Variants in TRPC1 observed in about 807,000 individuals in gnomAD.
TRPC1 encodes the protein short transient receptor potential channel 1.
In TRPC1, 42 loss-of-function variants were observed where a neutral mutation model predicts 88.2. The observed-to-expected ratio is 0.48, with a 90% CI of 0.37 to 0.62. TRPC1 has a LOEUF of 0.62. Ranked by LOEUF, TRPC1 falls within the 20% of genes least tolerant of loss-of-function variation. The pLI, the probability that TRPC1 is intolerant of heterozygous loss-of-function variation, is 0.00. For missense variants in TRPC1, 699 were observed against 957.3 expected (o/e 0.73, Z 3.56); for synonymous variants, 288 against 331.8 (o/e 0.87, Z 1.43).
intron 12 of TRPC1, 44 bp from the exon 13 acceptor site, chr3:142,805,964 A>G (rs1481125757): frequency 7.1e-6 from 11 of 1,546,000 alleles, no homozygotes; most frequent in Non-Finnish European, 9.7e-6. Flanking sequence ...CCTCATTTAA[A>G]TATCGTTTCT....
intron 4 of TRPC1, among the ~76,000 whole-genome samples, chr3:142,750,189 TATCCAG>T (rs535667741): frequency 1.3e-3 from 202 of 152,164 alleles, no homozygotes; most frequent in Non-Finnish European, 2.0e-3. Context: ...AAAGGGCTAA[TATCCAG>T]AATCTACAAG....
chr3:142,754,230 T>C (rs960905362), intron 4 of TRPC1, among the ~76,000 whole-genome samples: 2 of 151,916 alleles, frequency 1.3e-5, no homozygotes, highest in African/African-American at 4.8e-5. Flanking sequence ...TTCAGTAATA[T>C]AATAGCTGTG....
intron 7 of TRPC1, among the ~76,000 whole-genome samples, chr3:142,790,574 A>T (rs1936263176): frequency 6.6e-6 from 1 of 152,174 alleles, no homozygotes; most frequent in Non-Finnish European, 1.5e-5. Context: ...TGAGATCATT[A>T]AAGTAGTAAG....
Position 142,784,955 on chromosome 3 carries a change from C to T in TRPC1, c.1212C>T (p.Tyr404=), listed in dbSNP as rs756382516. Residue 404 remains tyrosine, a synonymous_variant, in exon 7 of 13, where the codon TAC becomes TAT. Coordinates refer to ENST00000476941, the MANE Select transcript of TRPC1 (RefSeq NM_001251845.2). ...CATTTCTGCTGTTGCTTAATCTATA[C>T]TCTCTTGTCTACAATGAGGATAAGA... is the stretch of plus-strand genomic sequence containing the variant. ...YFTFLLLLNL[Y]SLVYNEDKKN... 1 of 1,613,924 alleles carries T rather than the reference C, an allele frequency of 6.2e-7. No individual in the cohort carries two copies.
At chr3:142,746,853 A>G (rs1934573236) in intron 3 of TRPC1, among the ~76,000 whole-genome samples, 1 of 151,790 alleles carries the variant, frequency 6.6e-6, no homozygotes, top group Non-Finnish European at 1.5e-5. Context: ...GCGAGACTCC[A>G]CCAAAAAAAA....
intron 7 of TRPC1, among the ~76,000 whole-genome samples, chr3:142,785,957 A>G (rs1314430614): frequency 1.3e-5 from 2 of 152,244 alleles, no homozygotes; most frequent in African/African-American, 4.8e-5. Flanking sequence ...TTTAAAAAGT[A>G]TAAGACATTT....
At chr3:142,772,701 C>T (rs77252034) in intron 4 of TRPC1, among the ~76,000 whole-genome samples, 46,877 of 151,900 alleles carry the variant, frequency 0.31, 9,150 homozygotes, top group African/African-American at 0.57. Context: ...GCAGGAGAAT[C>T]GCTTGAACCC....
In TRPC1 at chr3:142,792,144, A is replaced by C. The variant is rs1936312107; in HGVS notation, c.1438-680A>C. ...CAGTGTCTAGAGTGTGAAATTACTA[A>C]GAAAATGAAAATTGGTCATATATAG... On this transcript the variant is annotated intron_variant, in intron 8 of 12. Coordinates refer to ENST00000476941, the MANE Select transcript of TRPC1 (RefSeq NM_001251845.2). The surrounding 1 kb of genome is among the most constrained non-coding windows in gnomAD (Gnocchi z 4.0). Among the ~76,000 whole-genome samples, 1 of 152,068 alleles carries C rather than the reference A, an allele frequency of 6.6e-6. No individual in the cohort carries two copies. The highest frequency in any genetic ancestry group is 6.6e-5 in the Admixed American group (1 of 15,256).
chr3:142,759,344 CCTGA>C (rs1935097914), intron 4 of TRPC1, among the ~76,000 whole-genome samples: 3 of 152,136 alleles, frequency 2.0e-5, no homozygotes, highest in African/African-American at 4.8e-5. Flanking sequence ...TCTGTTGTTT[CCTGA>C]CTTTTTAATG....
intron 4 of TRPC1, among the ~76,000 whole-genome samples, chr3:142,771,270 GT>G (rs1356283282): frequency 6.6e-6 from 1 of 152,132 alleles, no homozygotes; most frequent in African/African-American, 2.4e-5. Flanking sequence ...AATTTTTTGA[GT>G]TCTTTTTTTG....
chr3:142,735,780 G>A (rs78193400), intron 1 of TRPC1, among the ~76,000 whole-genome samples: 5,173 of 152,138 alleles, frequency 0.034, 150 homozygotes, highest in East Asian at 0.14. Context: ...GAGATGGTGT[G>A]TGTGTGTGTG....
chr3:142,790,976 G>C, intron 7 of TRPC1, 43 bp from the exon 8 acceptor site: 1 of 1,454,290 alleles, frequency 6.9e-7, no homozygotes, highest in Non-Finnish European at 9.1e-7. Context: ...TTTATTTATT[G>C]AATTAAGAAA....
intron 9 of TRPC1, among the ~76,000 whole-genome samples, chr3:142,800,700 T>C (rs1441785964): frequency 6.6e-6 from 1 of 152,018 alleles, no homozygotes; most frequent in East Asian, 1.9e-4. Context: ...GCAGATCACT[T>C]GAGGCCAGGA....
At position 142,792,961 on chromosome 3, in the gene TRPC1, A is replaced by C. The variant is rs762029758; in HGVS notation, c.1575A>C (p.Pro525=). 3.2e-6 allele frequency: 5 copies of C among 1,575,578 alleles called. No individual in the cohort carries two copies. Among genetic ancestry groups the C allele is most frequent in the Admixed American group, 2.0e-5 (1 of 50,658 alleles). Residue 525 remains proline, a synonymous_variant, in exon 9 of 13, where the codon CCA becomes CCC. Coordinates refer to ENST00000476941, the MANE Select transcript of TRPC1 (RefSeq NM_001251845.2). This position sits in a 1 kb window ranked among gnomAD's most constrained non-coding sequence, Gnocchi z 4.0. ...FMYTTSSILG[P]LQISMGQMLQ... ...ATACAACCAGCTCTATCTTGGGTCC[A>C]TTACAGGTAAATAATTAAAATTTCT...
chr3:142,775,105 A>C (rs904358660), intron 4 of TRPC1, among the ~76,000 whole-genome samples: 1 of 143,156 alleles, frequency 7.0e-6, no homozygotes, highest in East Asian at 1.9e-4. Context: ...TAGTATAGGT[A>C]AATATGTCTT....
At chr3:142,803,864 A>G in intron 10 of TRPC1, 113 bp from the exon 11 acceptor site, 3 of 1,094,714 alleles carry the variant, frequency 2.7e-6, no homozygotes, top group Non-Finnish European at 3.9e-6. Context: ...TTAAATAAGG[A>G]ACTTTTCATG....
Position 142,724,468 on chromosome 3 carries a change from C to T in TRPC1, c.-92C>T, listed in dbSNP as rs1933569593. On this transcript the variant is annotated 5_prime_UTR_variant, in exon 1 of 13. Transcript: ENST00000476941. This position sits in a 1 kb window ranked among gnomAD's most constrained non-coding sequence, Gnocchi z 5.6. ...GCAGTGGGAACGACTCATCCTTTTT[C>T]CAGCCCTGGGGCGTGGCTGGGGTCG... is the stretch of plus-strand genomic sequence containing the variant. 3.8e-6 allele frequency: 5 copies of T among 1,300,930 alleles called. No homozygotes were observed. The South Asian group carries it at 7.6e-5, about 20-fold the overall frequency. 80.6% of individuals were successfully genotyped at this position (1,300,930 alleles called of 1,614,324 possible).
chr3:142,748,191 C>A, intron 3 of TRPC1, 67 bp from the exon 4 acceptor site: 1 of 1,327,338 alleles, frequency 7.5e-7, no homozygotes, highest in East Asian at 2.4e-5. Context: ...TCATTTCATT[C>A]TTCAGATAAA....
At chr3:142,774,153 A>G (rs1278997034) in intron 4 of TRPC1, among the ~76,000 whole-genome samples, 2 of 152,172 alleles carry the variant, frequency 1.3e-5, no homozygotes, top group African/African-American at 4.8e-5. Context: ...TAAAGTTTGT[A>G]CTATCTGCTA....
Sources: allele counts gnomAD v4.1 joint callset (sites outside exome capture counted in the v4.1 genomes callset), GRCh38; gene constraint gnomAD v4.1.1; non-coding constraint Gnocchi (gnomAD v3.1); transcripts MANE v1.5; gene names NCBI Gene and HGNC (gene_info 2026-07-23, HGNC 2026-07-21).